Variants in PTPRZ1 observed in about 807,000 individuals in gnomAD.
PTPRZ1 encodes the protein protein tyrosine phosphatase receptor type Z1, also known as receptor-type tyrosine-protein phosphatase zeta.
Under a neutral mutation model 214.1 loss-of-function variants are expected in PTPRZ1, and 82 were observed. The ratio of observed to expected loss-of-function variants is 0.38; its 90% CI spans 0.32 to 0.46. The LOEUF (loss-of-function observed/expected upper bound fraction) is 0.46. PTPRZ1 is among the 20% of genes least tolerant of loss of function. The pLI is 1.00. For missense variants in PTPRZ1, 2,603 were observed against 2,748.7 expected (o/e 0.95, Z 1.19); for synonymous variants, 945 against 987.9 (o/e 0.96, Z 0.81).
In PTPRZ1 at chr7:121,873,470, G is replaced by C; in HGVS notation, c.-30G>C. On this transcript the variant is annotated 5_prime_UTR_variant, in exon 1 of 30. Coordinates refer to ENST00000393386, the MANE Select transcript of PTPRZ1 (RefSeq NM_002851.3). The stretch of plus-strand genomic sequence containing the variant: ...CTCCACTCTGAGAAGCAGAGGAGCC[G>C]CACGGCGAGGGGCCGCAGACCGTCT... The C allele has an allele frequency of 6.2e-7, 1 of 1,612,272 alleles. No individual in the cohort carries two copies. The highest frequency in any genetic ancestry group is 8.5e-7 in the Non-Finnish European group (1 of 1,179,316).
chr7:122,018,435 G>T (rs192982807), intron 12 of PTPRZ1, among the ~76,000 whole-genome samples: 147 of 151,810 alleles, frequency 9.7e-4, no homozygotes, highest in Non-Finnish European at 9.3e-4. Flanking sequence ...ACCAAATTCG[G>T]ATTTTTAATT....
At position 121,997,891 on chromosome 7, in the gene PTPRZ1, C is replaced by G. The variant is rs774267554; in HGVS notation, c.1125C>G (p.Leu375=). The G allele has an allele frequency of 2.5e-6, 4 of 1,605,730 alleles. No homozygotes were observed. Among genetic ancestry groups the G allele is most frequent in the South Asian group, 1.1e-5 (1 of 90,710 alleles). ...TDGYQDLGAI[L]NNLLPNMSYV... is the part of the protein sequence containing the mutation. ...CATCTTTCTTTTAGGGTGCTATTCT[C>G]AATAATTTGCTACCCAATATGAGTT... The change falls in exon 10 of 30, where the codon CTC becomes CTG. Residue 375 remains leucine, a synonymous_variant. Transcript: ENST00000393386.
At chr7:121,967,840 C>A in intron 2 of PTPRZ1, 111 bp from the exon 3 acceptor site, 1 of 750,494 alleles carries the variant, frequency 1.3e-6, no homozygotes, top group Non-Finnish European at 2.1e-6. Context: ...AGATGTCAAA[C>A]ATTTTTCTAC....
At chr7:121,966,968 T>C (rs1310939329) in intron 2 of PTPRZ1, 1 of 152,192 alleles carries the variant, frequency 6.6e-6, no homozygotes, top group Non-Finnish European at 1.5e-5. Flanking sequence ...CTGCCACTCC[T>C]TTCTTCCTTG....
intron 1 of PTPRZ1, among the ~76,000 whole-genome samples, chr7:121,879,404 C>T (rs552232678): frequency 1.4e-4 from 22 of 152,188 alleles, no homozygotes; most frequent in African/African-American, 3.4e-4. Context: ...GTATCTTGAG[C>T]CCATGAACAC....
chr7:122,057,966 G>GTATATATATACATATATATA (rs1562886833), intron 27 of PTPRZ1, among the ~76,000 whole-genome samples: 1 of 145,544 alleles, frequency 6.9e-6, no homozygotes, highest in African/African-American at 2.6e-5. Context: ...GTGTGTGTGT[G>GTATATATATACATATATATA]TGTATATATA....
intron 2 of PTPRZ1, among the ~76,000 whole-genome samples, chr7:121,943,249 T>C (rs1298505717): frequency 6.6e-6 from 1 of 152,242 alleles, no homozygotes; most frequent in Non-Finnish European, 1.5e-5. Flanking sequence ...CTTAAACTTT[T>C]ACAGTATGTT....
At chr7:121,895,393 A>G (rs901983685) in intron 1 of PTPRZ1, among the ~76,000 whole-genome samples, 10 of 152,186 alleles carry the variant, frequency 6.6e-5, no homozygotes, top group Non-Finnish European at 1.5e-4. Context: ...GGAAGTTGAT[A>G]GTGTTGGGTA....
Position 122,011,297 on chromosome 7 carries a change from C to G in PTPRZ1, c.2251C>G (p.Pro751Ala), listed in dbSNP as rs1232557659. Reference protein sequence around the residue: ...VNVVYSQTTQPVYNGETPLQP... With the variant: ...VNVVYSQTTQAVYNGETPLQP... ...CGTGGTATACTCGCAGACAACCCAACCGGTATACAATGGTGAGACACCTCT... is the reference window on the plus strand; with the variant it reads ...CGTGGTATACTCGCAGACAACCCAAGCGGTATACAATGGTGAGACACCTCT... The change falls in exon 12 of 30, where the codon CCG (proline) becomes GCG (alanine). Residue 751 changes from proline (P) to alanine (A), a missense_variant. By Grantham distance (27) the Pro-to-Ala change is conservative. Around this residue, in one of 6 missense-constraint regions of PTPRZ1, gnomAD observed 1,913 missense variants for 1,914.3 expected, o/e 1.00. Transcript: ENST00000393386. The G allele has an allele frequency of 6.2e-7, 1 of 1,614,120 alleles. No individual in the cohort carries two copies. Among genetic ancestry groups the G allele is most frequent in the Non-Finnish European group, 8.5e-7 (1 of 1,180,026 alleles).
intron 3 of PTPRZ1, among the ~76,000 whole-genome samples, chr7:121,968,549 A>T (rs1797113677): frequency 6.6e-6 from 1 of 152,062 alleles, no homozygotes; most frequent in African/African-American, 2.4e-5. Context: ...TAAGAAAATA[A>T]ATTCCTAGCT....
At position 121,904,976 on chromosome 7, in the gene PTPRZ1, G is replaced by A. The variant is rs570291794; in HGVS notation, c.59-23180G>A. ...AGTTTGGTAGATTTAAAGTAATTAC[G>A]TTTTTGCTGTCTACGAAAGTTGTTT... is the stretch of plus-strand genomic sequence containing the variant. On this transcript the variant is annotated intron_variant, in intron 1 of 29. Coordinates refer to ENST00000393386, the MANE Select transcript of PTPRZ1 (RefSeq NM_002851.3). Among the ~76,000 whole-genome samples the A allele has an allele frequency of 3.3e-5, 5 of 152,226 alleles. No homozygotes were observed. The South Asian group carries it at 6.2e-4, about 19-fold the overall frequency.
intron 1 of PTPRZ1, among the ~76,000 whole-genome samples, chr7:121,912,257 C>G (rs1795301201): frequency 6.6e-6 from 1 of 152,000 alleles, no homozygotes; most frequent in Non-Finnish European, 1.5e-5. Flanking sequence ...ATATAGTGTC[C>G]CTATCCACTG....
intron 1 of PTPRZ1, among the ~76,000 whole-genome samples, chr7:121,891,939 T>A (rs1028595376): frequency 5.3e-5 from 8 of 152,170 alleles, no homozygotes; most frequent in African/African-American, 1.7e-4. Context: ...TCCAGCTCCC[T>A]CTAACTTCTC....
chr7:121,931,974 G>A (rs1795939634), intron 2 of PTPRZ1, among the ~76,000 whole-genome samples: 1 of 152,168 alleles, frequency 6.6e-6, no homozygotes, highest in Non-Finnish European at 1.5e-5. Flanking sequence ...TCCAGAGTCA[G>A]GGTGAGGATG....
intron 1 of PTPRZ1, among the ~76,000 whole-genome samples, chr7:121,922,529 C>T (rs1371119507): frequency 6.6e-6 from 1 of 152,096 alleles, no homozygotes; most frequent in African/African-American, 2.4e-5. Flanking sequence ...AAGCCAAGAT[C>T]ATGCCACTGC....
At chr7:122,059,583 T>C (rs116254493) in intron 28 of PTPRZ1, 170 bp from the exon 29 acceptor site, 1 of 704,110 alleles carries the variant, frequency 1.4e-6, no homozygotes, top group African/African-American at 1.8e-5. Flanking sequence ...CACTTGGCAA[T>C]ATTTCAGATT....
intron 6 of PTPRZ1, among the ~76,000 whole-genome samples, chr7:121,980,268 T>A (rs977042167): frequency 2.0e-5 from 3 of 152,170 alleles, no homozygotes; most frequent in Non-Finnish European, 4.4e-5. Flanking sequence ...CATGAAATAT[T>A]TGTAAGATAA....
chr7:121,883,602 G>A (rs551257126), intron 1 of PTPRZ1, among the ~76,000 whole-genome samples: 1 of 152,214 alleles, frequency 6.6e-6, no homozygotes, highest in Non-Finnish European at 1.5e-5. Flanking sequence ...CTCAGAATTT[G>A]TTTAAAAATT....
At chr7:122,016,453 G>A (rs1169814554) in intron 12 of PTPRZ1, among the ~76,000 whole-genome samples, 8 of 151,736 alleles carry the variant, frequency 5.3e-5, no homozygotes, top group Non-Finnish European at 8.8e-5. Context: ...AGTACACAAA[G>A]CAACCAACTG....
Sources: allele counts gnomAD v4.1 joint callset (sites outside exome capture counted in the v4.1 genomes callset), GRCh38; gene constraint gnomAD v4.1.1; regional missense constraint gnomAD v4.1.1; transcripts MANE v1.5; gene names NCBI Gene and HGNC (gene_info 2026-07-23, HGNC 2026-07-21).